The following FAM167A variants were observed in gnomAD, a reference collection of about 807,000 sequenced individuals.
FAM167A encodes protein FAM167A.
A neutral mutation model predicts 14.9 loss-of-function variants in FAM167A; 23 were observed. The observed-to-expected ratio is 1.55, with a 90% confidence interval of 1.11 to 2.19. The LOEUF (loss-of-function observed/expected upper bound fraction) is 2.19. Among genes scored for constraint, FAM167A ranks in the 30% most tolerant of loss-of-function variants. FAM167A has a pLI of 0.00. For missense variants in FAM167A, 401 were observed against 281.5 expected, an observed-to-expected ratio of 1.42 and a Z score of -3.04; for synonymous variants, 174 against 117.7, an observed-to-expected ratio of 1.48 and a Z score of -3.10.
intron 2 of FAM167A, among the ~76,000 whole-genome samples, chr8:11,440,959 G>T (rs908255423): frequency 6.6e-6 from 1 of 152,228 alleles, no homozygotes; most frequent in Admixed American, 6.5e-5. Context: ...AGAGCAGAAT[G>T]TGTTTGTTCT....
upstream of FAM167A, among the ~76,000 whole-genome samples, chr8:11,470,474 C>A (rs1285805725): frequency 6.6e-6 from 1 of 152,150 alleles, no homozygotes; most frequent in Non-Finnish European, 1.5e-5. Context: ...AGGGCAGGTG[C>A]TGCGGCAGAG....
intron 2 of FAM167A, among the ~76,000 whole-genome samples, chr8:11,433,609 G>T (rs961270214): frequency 6.6e-6 from 1 of 152,178 alleles, no homozygotes; most frequent in African/African-American, 2.4e-5. Flanking sequence ...GAAAGAGTGC[G>T]TGTCCTGGAG....
upstream of FAM167A, among the ~76,000 whole-genome samples, chr8:11,469,941 T>C (rs897554382): frequency 6.6e-6 from 1 of 151,974 alleles, no homozygotes; most frequent in Admixed American, 6.6e-5. Flanking sequence ...AAACTTAAAA[T>C]ATTCTTTCAG....
chr8:11,446,440 G>A (rs957378686), intron 1 of FAM167A: 1 of 151,424 alleles, frequency 6.6e-6, no homozygotes, highest in Non-Finnish European at 1.5e-5. Flanking sequence ...ATCCCCCTGA[G>A]GAACTGGATT....
chr8:11,431,682 C>T (rs546707720), intron 2 of FAM167A, among the ~76,000 whole-genome samples: 10 of 152,082 alleles, frequency 6.6e-5, no homozygotes, highest in Middle Eastern at 6.8e-3. Context: ...TAGAGATGGC[C>T]GGTCAGCCTG....
At chr8:11,475,561 A>G (rs575335574) in intron 1 of FAM167A, among the ~76,000 whole-genome samples, 14 of 152,206 alleles carry the variant, frequency 9.2e-5, no homozygotes, top group African/African-American at 3.4e-4. Context: ...AACCTTTTAC[A>G]CATCATACTC....
chr8:11,468,913 A>G (rs150350002), upstream of FAM167A, among the ~76,000 whole-genome samples: 139 of 152,316 alleles, frequency 9.1e-4, 1 homozygote, highest in African/African-American at 3.0e-3. Flanking sequence ...GTAATCAGTG[A>G]TGGGGACCAG....
chr8:11,447,234 T>G (rs1806824710), intron 1 of FAM167A, among the ~76,000 whole-genome samples: 1 of 148,850 alleles, frequency 6.7e-6, no homozygotes, highest in Non-Finnish European at 1.5e-5. Flanking sequence ...CAGGCTGGAG[T>G]GCAATGGCGT....
At chr8:11,457,554 C>A (rs1411795687) in intron 1 of FAM167A, among the ~76,000 whole-genome samples, 2 of 152,114 alleles carry the variant, frequency 1.3e-5, no homozygotes, top group South Asian at 4.1e-4. Flanking sequence ...CAGCTCCTAG[C>A]AGGCAGGGGC....
chr8:11,472,058 C>A (rs1011125004), upstream of FAM167A, among the ~76,000 whole-genome samples: 3 of 152,232 alleles, frequency 2.0e-5, no homozygotes, highest in African/African-American at 7.2e-5. Context: ...AACCTATTTT[C>A]CAGTTTATTA....
intron 1 of FAM167A, among the ~76,000 whole-genome samples, chr8:11,452,957 A>G (rs575184416): frequency 3.0e-4 from 46 of 152,232 alleles, no homozygotes; most frequent in African/African-American, 8.7e-4. Context: ...CAGAACACAG[A>G]TCTGCTGCAG....
At chr8:11,452,785 T>C (rs1216618909) in intron 1 of FAM167A, among the ~76,000 whole-genome samples, 2 of 152,180 alleles carry the variant, frequency 1.3e-5, no homozygotes, top group Admixed American at 6.5e-5. Flanking sequence ...TTAGCATCTA[T>C]GAATGCTGGG....
intron 1 of FAM167A, among the ~76,000 whole-genome samples, chr8:11,458,638 T>A (rs1449401238): frequency 6.6e-6 from 1 of 152,176 alleles, no homozygotes; most frequent in Non-Finnish European, 1.5e-5. Flanking sequence ...AATATTTTCA[T>A]GGGATTTAAA....
At chr8:11,424,730 G>T in intron 2 of FAM167A, 94 bp from the exon 3 acceptor site, 5 of 1,488,942 alleles carry the variant, frequency 3.4e-6, no homozygotes, top group Non-Finnish European at 4.5e-6. Flanking sequence ...TAATGTCTTA[G>T]TTCATTAAGT....
rs75235065 is a variant in FAM167A, at chr8:11,423,215, C to G, written c.*1158G>C. On this transcript the variant is annotated 3_prime_UTR_variant, in exon 3 of 3. Coordinates refer to ENST00000284486, the MANE Select transcript of FAM167A (RefSeq NM_053279.3). ...TCTGGCCGAGGGACCCCTGCCATGC[C>G]GTATGACCCCAGACTGACCTCCCTA... The G allele has an allele frequency of 0.068, 10,293 of 152,270 alleles. 400 individuals are homozygous for G. The highest frequency in any genetic ancestry group is 0.18 in the Middle Eastern group (54 of 292). 9.4% of individuals were successfully genotyped at this position (152,270 alleles called of 1,614,324 possible).
At chr8:11,426,750 G>T (rs1048482562) in intron 2 of FAM167A, among the ~76,000 whole-genome samples, 4 of 152,148 alleles carry the variant, frequency 2.6e-5, no homozygotes, top group Non-Finnish European at 4.4e-5. Flanking sequence ...GCCTTTGGTT[G>T]ATCAGTCTTT....
Position 11,424,589 on chromosome 8 carries a change from G to GC in FAM167A, c.428dup (p.Leu144ProfsTer33). The stretch of plus-strand genomic sequence containing the variant: ...TCAGCTTGTTGATGTCGCCACGCAG[G>GC]CGCATGAGCTGTCTGGCCAGTTGCT... On this transcript the variant is annotated frameshift_variant, in exon 3 of 3. Coordinates refer to ENST00000284486, the MANE Select transcript of FAM167A (RefSeq NM_053279.3). LOFTEE classifies it high-confidence loss of function. The GC allele has an allele frequency of 6.2e-7, 1 of 1,614,120 alleles. No individual in the cohort carries two copies. Among genetic ancestry groups the GC allele is most frequent in the South Asian group, 1.1e-5 (1 of 91,076 alleles).
At chr8:11,462,825 G>A (rs1169361423) in intron 1 of FAM167A, among the ~76,000 whole-genome samples, 2 of 152,206 alleles carry the variant, frequency 1.3e-5, no homozygotes, top group Non-Finnish European at 2.9e-5. Context: ...AGGCACTTCA[G>A]CGTCTTTATC....
chr8:11,469,212 T>A (rs561108115), upstream of FAM167A, among the ~76,000 whole-genome samples: 9 of 152,132 alleles, frequency 5.9e-5, no homozygotes, highest in Admixed American at 1.3e-4. Context: ...ATTGGAAGAG[T>A]GTATGCAAAT....
Sources: gnomAD v4.1 joint callset for allele counts (sites outside exome capture counted in the v4.1 genomes callset) on GRCh38, gnomAD v4.1.1 for gene constraint, MANE v1.5 for transcripts, NCBI Gene and HGNC (gene_info 2026-07-23, HGNC 2026-07-21) for gene names.